Variants in SPON1 observed in about 807,000 individuals in gnomAD.
The protein encoded by SPON1 is spondin-1.
SPON1 carries 52 observed loss-of-function variants against 111.7 expected under a neutral mutation model. The observed-to-expected ratio is 0.47, with a 90% confidence interval of 0.37 to 0.59. SPON1 has a LOEUF of 0.59. Ranked by LOEUF, SPON1 falls within the 20% of genes least tolerant of loss-of-function variation. SPON1 has a pLI of 0.00. For missense variants in SPON1, 957 were observed against 1,068.5 expected (o/e 0.90, Z 1.46); for synonymous variants, 410 against 395.8 (o/e 1.04, Z -0.43).
intron 2 of SPON1, among the ~76,000 whole-genome samples, chr11:14,040,852 A>G (rs549808897): frequency 6.6e-6 from 1 of 152,260 alleles, no homozygotes; most frequent in South Asian, 2.1e-4. Flanking sequence ...GGTCTAATAT[A>G]CTATAGTTCT....
At chr11:14,089,189 T>A (rs1399556513) in intron 5 of SPON1, among the ~76,000 whole-genome samples, 1 of 152,134 alleles carries the variant, frequency 6.6e-6, no homozygotes, top group Non-Finnish European at 1.5e-5. Context: ...GGAGTTGTGA[T>A]CCTTTGTAGG....
At chr11:13,965,112 T>C (rs1197896725) in intron 1 of SPON1, among the ~76,000 whole-genome samples, 2 of 152,086 alleles carry the variant, frequency 1.3e-5, no homozygotes, top group African/African-American at 4.8e-5. Context: ...CCTTTATTGG[T>C]TTACTAATGG....
chr11:14,177,294 C>T (rs1848188346), intron 6 of SPON1, among the ~76,000 whole-genome samples: 1 of 152,132 alleles, frequency 6.6e-6, no homozygotes, highest in South Asian at 2.1e-4. Flanking sequence ...CTTGCCTTGG[C>T]CTCCCAAAGT....
At chr11:14,215,206 C>T (rs1197669591) in intron 6 of SPON1, among the ~76,000 whole-genome samples, 1 of 152,140 alleles carries the variant, frequency 6.6e-6, no homozygotes, top group African/African-American at 2.4e-5. Flanking sequence ...CAGGTATGCA[C>T]CACACCCAGC....
intron 2 of SPON1, among the ~76,000 whole-genome samples, chr11:14,003,662 T>A (rs1046199780): frequency 1.3e-5 from 2 of 152,062 alleles, no homozygotes; most frequent in East Asian, 1.9e-4. Flanking sequence ...CTATTGGCAT[T>A]TGGGCCATAT....
At position 13,980,356 on chromosome 11, in the gene SPON1, T is replaced by G. The variant is rs566031985; in HGVS notation, c.239-2491T>G. ...GCGCCTAGCCCCTTCTTTCTTTTTT[T>G]CTATCTGATCTTTTACAGACATCAG... On this transcript the variant is annotated intron_variant, in intron 1 of 15. Coordinates refer to ENST00000576479, the MANE Select transcript of SPON1 (RefSeq NM_006108.4). Among the ~76,000 whole-genome samples the G allele has an allele frequency of 4.5e-4, 69 of 152,280 alleles. No homozygotes were observed. The East Asian group carries it at 0.012, about 27-fold the overall frequency.
intron 5 of SPON1, among the ~76,000 whole-genome samples, chr11:14,125,879 A>G (rs1847454061): frequency 6.6e-6 from 1 of 152,218 alleles, no homozygotes; most frequent in Non-Finnish European, 1.5e-5. Context: ...AACCAATGGT[A>G]TAGTTCCAGT....
At chr11:14,175,307 A>T (rs1408919596) in intron 6 of SPON1, among the ~76,000 whole-genome samples, 1 of 152,240 alleles carries the variant, frequency 6.6e-6, no homozygotes, top group Non-Finnish European at 1.5e-5. Flanking sequence ...TGTCCTCTGG[A>T]TGGTGGAAAT....
At chr11:14,226,619 CTA>C (rs1348105583) in intron 6 of SPON1, among the ~76,000 whole-genome samples, 1 of 152,302 alleles carries the variant, frequency 6.6e-6, no homozygotes, top group African/African-American at 2.4e-5. Flanking sequence ...TTAAGCCAAA[CTA>C]TCTTAAGTCA....
intron 6 of SPON1, among the ~76,000 whole-genome samples, chr11:14,141,029 C>CCCA (rs71041572): frequency 6.0e-5 from 8 of 132,350 alleles, no homozygotes; most frequent in African/African-American, 8.3e-5. Context: ...GTGCCCCCCC[C>CCCA]ATGCCCCACT....
At chr11:14,089,242 T>C (rs1457262915) in intron 5 of SPON1, among the ~76,000 whole-genome samples, 1 of 152,190 alleles carries the variant, frequency 6.6e-6, no homozygotes, top group Non-Finnish European at 1.5e-5. Flanking sequence ...CATTTTTGCA[T>C]TGGATTTATC....
chr11:14,191,271 AC>A (rs1431715249), intron 6 of SPON1, among the ~76,000 whole-genome samples: 3 of 152,178 alleles, frequency 2.0e-5, no homozygotes, highest in African/African-American at 7.2e-5. Context: ...ACCAATGAGA[AC>A]TAGTCTCTGC....
At chr11:14,229,799 C>T (rs904091889) in intron 6 of SPON1, among the ~76,000 whole-genome samples, 7 of 152,182 alleles carry the variant, frequency 4.6e-5, no homozygotes, top group African/African-American at 1.7e-4. Flanking sequence ...CTCGGTCTGC[C>T]TATTCCACCA....
At chr11:13,999,861 G>A (rs1161714916) in intron 2 of SPON1, among the ~76,000 whole-genome samples, 3 of 152,130 alleles carry the variant, frequency 2.0e-5, no homozygotes, top group Non-Finnish European at 4.4e-5. Flanking sequence ...CCCCCAGCTG[G>A]TACCTTATGT....
chr11:14,205,302 T>C (rs1321646302), intron 6 of SPON1, among the ~76,000 whole-genome samples: 6 of 152,208 alleles, frequency 3.9e-5, no homozygotes, highest in African/African-American at 1.2e-4. Flanking sequence ...TGCACACTCA[T>C]AGAATATAGA....
intron 6 of SPON1, among the ~76,000 whole-genome samples, chr11:14,143,620 A>G (rs1222784097): frequency 6.6e-6 from 1 of 152,082 alleles, no homozygotes; most frequent in African/African-American, 2.4e-5. Flanking sequence ...ATTTCAGGGC[A>G]GCAGTGGATG....
At chr11:14,013,061 T>C (rs1848418056) in intron 2 of SPON1, among the ~76,000 whole-genome samples, 1 of 152,216 alleles carries the variant, frequency 6.6e-6, no homozygotes, top group Non-Finnish European at 1.5e-5. Context: ...ATCTTCTAAA[T>C]GTAATTTCAC....
intron 6 of SPON1, among the ~76,000 whole-genome samples, chr11:14,151,060 G>C (rs1031921797): frequency 2.0e-5 from 3 of 152,220 alleles, no homozygotes; most frequent in African/African-American, 7.2e-5. Flanking sequence ...TGTTCCAAGA[G>C]CTGAATCCGT....
intron 3 of SPON1, among the ~76,000 whole-genome samples, chr11:14,068,722 C>G (rs782026958): frequency 2.6e-5 from 4 of 152,222 alleles, no homozygotes; most frequent in Admixed American, 1.3e-4. Flanking sequence ...CCAACACTTT[C>G]CCCAACTCCA....
Sources: gnomAD v4.1 joint callset for allele counts (sites outside exome capture counted in the v4.1 genomes callset) on GRCh38, gnomAD v4.1.1 for gene constraint, MANE v1.5 for transcripts, NCBI Gene and HGNC (gene_info 2026-07-23, HGNC 2026-07-21) for gene names.